BIRC6: variants seen among roughly 807,000 people sequenced by gnomAD.
The protein encoded by BIRC6 is dual E2 ubiquitin-conjugating enzyme/E3 ubiquitin-protein ligase BIRC6.
In BIRC6, 98 loss-of-function variants were observed where a neutral mutation model predicts 503.3. The ratio of observed to expected loss-of-function variants is 0.19; its 90% confidence interval spans 0.17 to 0.23. The LOEUF is 0.23. Among genes scored for constraint, BIRC6 ranks in the 10% least tolerant of loss-of-function variants. BIRC6 has a pLI of 1.00. For synonymous variants in BIRC6, 2,240 were observed against 2,078.7 expected (o/e 1.08, Z -2.11); for missense variants, 5,360 against 5,806.0 (o/e 0.92, Z 2.50).
chr2:32,527,409 C>G (rs2056368366), intron 59 of BIRC6: 1 of 152,172 alleles, frequency 6.6e-6, no homozygotes, highest in Admixed American at 6.5e-5. Context: ...GCCATGTGAC[C>G]AGGGTATCTT....
At chr2:32,443,620 A>G in intron 20 of BIRC6, 32 bp downstream of exon 20, 2 of 1,456,662 alleles carry the variant, frequency 1.4e-6, no homozygotes, top group Non-Finnish European at 1.9e-6. Flanking sequence ...ACAAATAGTT[A>G]TAGTCATATG....
chr2:32,501,680 T>C, intron 46 of BIRC6, 33 bp from the exon 47 acceptor site: 2 of 1,576,874 alleles, frequency 1.3e-6, no homozygotes, highest in Middle Eastern at 1.7e-4. Flanking sequence ...TGGATATATA[T>C]ACTTTTAATG....
At chr2:32,462,055 A>T (rs1448385005) in intron 23 of BIRC6, among the ~76,000 whole-genome samples, 4 of 145,296 alleles carry the variant, frequency 2.8e-5, no homozygotes, top group Non-Finnish European at 4.6e-5. Flanking sequence ...AAATAAAAAT[A>T]AAAAAAAAAA....
At chr2:32,377,562 G>A in intron 1 of BIRC6, 26 bp from the exon 2 acceptor site, 4 of 1,566,046 alleles carry the variant, frequency 2.6e-6, no homozygotes, top group Non-Finnish European at 3.5e-6. Flanking sequence ...AAAATCTTAA[G>A]TGTTGAATTT....
At chr2:32,490,296 C>T in intron 43 of BIRC6, 145 bp downstream of exon 43, 1 of 668,076 alleles carries the variant, frequency 1.5e-6, no homozygotes, top group African/African-American at 1.8e-5. Flanking sequence ...GCCTGTAAAC[C>T]CAGCACTTTG....
rs2048902386 is a variant in BIRC6 at position 32,469,502 on chromosome 2, G to GGTC, written c.6236_6238dup (p.Gly2079_Leu2080insArg). The GGTC allele has an allele frequency of 6.2e-7, 1 of 1,613,706 alleles. No individual in the cohort carries two copies. Among genetic ancestry groups the GGTC allele is most frequent in the Non-Finnish European group, 8.5e-7 (1 of 1,179,794 alleles). On this transcript the variant is annotated inframe_insertion, in exon 30 of 74. Coordinates refer to ENST00000421745, the MANE Select transcript of BIRC6 (RefSeq NM_016252.4). ...AACCCCAAAGATACGGTTACATACTGGTCTTCTTCTTGTTCAACTGTGTGG... is the reference window on the plus strand; with the variant it reads ...AACCCCAAAGATACGGTTACATACTGGTCGTCTTCTTCTTGTTCAACTGTGTGG...
rs79656310 is a variant in BIRC6 at position 32,548,096 on chromosome 2, A to G, written c.12975+82A>G. 5.6e-4 allele frequency: 708 copies of G among 1,264,460 alleles called. 8 individuals are homozygous for G. In the African/African-American group the frequency reaches 9.9e-3, roughly 18 times the overall value. The allele number at this position is 1,264,460 out of a possible 1,614,324, so 78.3% of individuals were successfully genotyped here. On this transcript the variant is annotated intron_variant, in intron 64 of 73. Transcript: ENST00000421745. The stretch of plus-strand genomic sequence containing the variant: ...TTTTAAAATATTGATAACTAATCCA[A>G]CTTTCCTCAGCTATGTTTATGCCCA...
chr2:32,435,481 T>C lies in BIRC6; in HGVS notation c.3410-15T>C, dbSNP rs1177714574. 19 of 1,547,086 alleles carry C rather than the reference T, an allele frequency of 1.2e-5. No homozygotes were observed. The highest frequency in any genetic ancestry group is 1.4e-5 in the Non-Finnish European group (16 of 1,145,774). On this transcript the variant is annotated splice_polypyrimidine_tract_variant and intron_variant, in intron 13 of 73. Transcript: ENST00000421745. Reference sequence around the variant, plus strand: ...ACAGCAGTAGATAGGCAGATCACCTTTCCTTTGTCTCCAGCTCTTAACATT... The same window carrying C: ...ACAGCAGTAGATAGGCAGATCACCTCTCCTTTGTCTCCAGCTCTTAACATT...
rs550690476 is a variant in BIRC6 at position 32,367,021 on chromosome 2, G to A, written c.325+9535G>A. On this transcript the variant is annotated intron_variant, in intron 1 of 73. Transcript: ENST00000421745. ...ATTTTTTGCATACTGTAGAACTGTA[G>A]CACTTCAAATGTAAGGGATACAAAA... Among the ~76,000 whole-genome samples the A allele has an allele frequency of 3.0e-3, 463 of 152,272 alleles. 1 individual carries two copies. The highest frequency in any genetic ancestry group is 0.011 in the African/African-American group (451 of 41,534).
At position 32,357,189 on chromosome 2, in the gene BIRC6, C is replaced by G; in HGVS notation, c.28C>G (p.Pro10Ala). The stretch of plus-strand genomic sequence containing the variant: ...GGTGACTGGTGGTGGTGCTGCACCT[C>G]CCGGGACTGTCACTGAGCCGCTTCC... MVTGGGAAP[P>A]GTVTEPLPSV... The change falls in exon 1 of 74, where the codon CCC becomes GCC. Residue 10 changes from proline (P) to alanine (A), a missense_variant. By Grantham distance (27) the Pro-to-Ala change is conservative. Transcript: ENST00000421745. The surrounding 1 kb of genome is among the most constrained non-coding windows in gnomAD (Gnocchi z 4.9). 6.5e-7 allele frequency: 1 copy of G among 1,539,934 alleles called. No homozygotes were observed. Among genetic ancestry groups the G allele is most frequent in the East Asian group, 2.6e-5 (1 of 38,732 alleles).
chr2:32,529,775 C>T lies in BIRC6; in HGVS notation c.12045C>T (p.Asp4015=). The change falls in exon 60 of 74, where the codon GAC becomes GAT. Residue 4015 remains aspartate (D), a synonymous_variant. Coordinates refer to ENST00000421745, the MANE Select transcript of BIRC6 (RefSeq NM_016252.4). ...AATTGGGATCAAGAGTTATAACAGA[C>T]CCCAGTCTATCAAAAACAGATTCTT... is the stretch of plus-strand genomic sequence containing the variant. ...TVKLGSRVIT[D]PSLSKTDSYK... 1 of 1,612,910 alleles carries T rather than the reference C, an allele frequency of 6.2e-7. No individual in the cohort carries two copies. Among genetic ancestry groups the T allele is most frequent in the East Asian group, 2.2e-5 (1 of 44,800 alleles).
chr2:32,493,810 G>T, intron 45 of BIRC6, 143 bp downstream of exon 45: 2 of 630,720 alleles, frequency 3.2e-6, no homozygotes, highest in Non-Finnish European at 5.2e-6. Context: ...AGGATATATT[G>T]GTGTGTTTCC....
chr2:32,433,734 C>T lies in BIRC6; in HGVS notation c.3339C>T (p.Asn1113=), dbSNP rs749296927. ...ACTTCAAATTCGTTTTGAACTCAAACATCACCAATATTCCACAGATACAAG... is the reference window on the plus strand; with the variant it reads ...ACTTCAAATTCGTTTTGAACTCAAATATCACCAATATTCCACAGATACAAG... ...HVDFKFVLNS[N]ITNIPQIQVT... Residue 1113 remains asparagine (N), a synonymous_variant, in exon 13 of 74, where the codon AAC becomes AAT. Coordinates refer to ENST00000421745, the MANE Select transcript of BIRC6 (RefSeq NM_016252.4). 2 of 1,603,110 alleles carry T rather than the reference C, an allele frequency of 1.2e-6. No homozygotes were observed. The highest frequency in any genetic ancestry group is 1.7e-6 in the Non-Finnish European group (2 of 1,172,378).
intron 65 of BIRC6, among the ~76,000 whole-genome samples, chr2:32,572,076 G>T (rs908319876): frequency 6.6e-6 from 1 of 152,026 alleles, no homozygotes; most frequent in Non-Finnish European, 1.5e-5. Context: ...TTCCACTGTG[G>T]TCTTGAGAAG....
chr2:32,386,434 G>GTC (rs75064270), intron 3 of BIRC6, among the ~76,000 whole-genome samples: 4 of 150,124 alleles, frequency 2.7e-5, no homozygotes, highest in African/African-American at 9.7e-5. Context: ...TATCTTTTAA[G>GTC]TCTCTCTCTC....
chr2:32,395,637 G>A (rs1330994468), intron 6 of BIRC6, 44 bp downstream of exon 6: 4 of 1,473,326 alleles, frequency 2.7e-6, no homozygotes, highest in Admixed American at 3.6e-5. Context: ...AGTCAGTCGT[G>A]TAAATAATGC....
chr2:32,380,026 T>C (rs1044715505), intron 2 of BIRC6, 127 bp from the exon 3 acceptor site: 2 of 538,990 alleles, frequency 3.7e-6, no homozygotes, highest in Non-Finnish European at 3.0e-6. Context: ...TGTTAAAAGG[T>C]AAGTTTAGTA....
intron 46 of BIRC6, 108 bp from the exon 47 acceptor site, chr2:32,501,605 A>C: frequency 1.2e-6 from 1 of 839,186 alleles, no homozygotes; most frequent in Non-Finnish European, 1.8e-6. Flanking sequence ...TCCTGAAGTC[A>C]GGTGATCCAC....
At chr2:32,545,101 A>G (rs573567043) in intron 62 of BIRC6, among the ~76,000 whole-genome samples, 7 of 152,258 alleles carry the variant, frequency 4.6e-5, no homozygotes, top group African/African-American at 1.7e-4. Context: ...GTGCATATAC[A>G]ATGAATTTTT....
Sources: allele counts gnomAD v4.1 joint callset (sites outside exome capture counted in the v4.1 genomes callset), GRCh38; gene constraint gnomAD v4.1.1; non-coding constraint Gnocchi (gnomAD v3.1); transcripts MANE v1.5; gene names NCBI Gene and HGNC (gene_info 2026-07-23, HGNC 2026-07-21).